Variants in SH3RF3 observed in about 807,000 individuals in gnomAD.
SH3RF3 encodes the protein SH3 domain containing ring finger 3.
A neutral mutation model predicts 66.3 loss-of-function variants in SH3RF3; 29 were observed. The observed-to-expected ratio is 0.44, with a 90% confidence interval of 0.33 to 0.60. The LOEUF is 0.60. SH3RF3 is among the 20% of genes least tolerant of loss of function. The pLI, the probability that SH3RF3 is intolerant of heterozygous loss-of-function variation, is 0.04. For synonymous variants in SH3RF3, 583 were observed against 532.0 expected (o/e 1.10, Z -1.32); for missense variants, 1,194 against 1,190.9 (o/e 1.00, Z -0.04).
At chr2:109,221,437 G>T (rs1679237909) in intron 1 of SH3RF3, among the ~76,000 whole-genome samples, 1 of 152,160 alleles carries the variant, frequency 6.6e-6, no homozygotes, top group Admixed American at 6.5e-5. Flanking sequence ...ACAAAAATTA[G>T]CCAAGTGTGG....
intron 2 of SH3RF3, among the ~76,000 whole-genome samples, chr2:109,358,763 G>A (rs143572351): frequency 5.3e-4 from 81 of 152,190 alleles, no homozygotes; most frequent in African/African-American, 1.8e-3. Flanking sequence ...AGTATCTTTT[G>A]CAGAGTACAA....
chr2:109,163,601 G>GTTT (rs1457448605), intron 1 of SH3RF3, among the ~76,000 whole-genome samples: 2 of 151,234 alleles, frequency 1.3e-5, no homozygotes, highest in South Asian at 2.1e-4. Flanking sequence ...GGGTTTCACC[G>GTTT]TTTTAGCCGG....
intron 1 of SH3RF3, among the ~76,000 whole-genome samples, chr2:109,249,038 T>C (rs2105247749): frequency 6.6e-6 from 1 of 152,144 alleles, no homozygotes; most frequent in East Asian, 1.9e-4. Flanking sequence ...CATGCCACCA[T>C]GCCCAGCTAA....
intron 1 of SH3RF3, among the ~76,000 whole-genome samples, chr2:109,183,706 C>T (rs1203477993): frequency 4.6e-5 from 7 of 152,236 alleles, no homozygotes; most frequent in Non-Finnish European, 1.0e-4. Flanking sequence ...ACTGATGAGT[C>T]TCTCAGCACT....
At chr2:109,252,026 C>A (rs972278334) in intron 1 of SH3RF3, among the ~76,000 whole-genome samples, 1 of 152,040 alleles carries the variant, frequency 6.6e-6, no homozygotes, top group African/African-American at 2.4e-5. Context: ...GAGGATGGAT[C>A]ACTTGAGCTA....
Position 109,307,711 on chromosome 2 carries a change from A to G in SH3RF3, c.574-39963A>G, listed in dbSNP as rs1574563896. Among the ~76,000 whole-genome samples the G allele has an allele frequency of 4.8e-5, 7 of 146,852 alleles. No homozygotes were observed. The East Asian group carries it at 1.4e-3, about 29-fold the overall frequency. ...CTCTTGCGATAGTTTACTGAGAATGATGATTTCCAATTTCATCCATGTCCC... is the reference window on the plus strand; with the variant it reads ...CTCTTGCGATAGTTTACTGAGAATGGTGATTTCCAATTTCATCCATGTCCC... On this transcript the variant is annotated intron_variant, in intron 1 of 9. Coordinates refer to ENST00000309415, the MANE Select transcript of SH3RF3 (RefSeq NM_001099289.3).
intron 8 of SH3RF3, among the ~76,000 whole-genome samples, chr2:109,450,819 G>A (rs901804445): frequency 6.6e-6 from 1 of 152,314 alleles, no homozygotes; most frequent in South Asian, 2.1e-4. Context: ...CTGCCTGAAC[G>A]GTTTAGGGAT....
intron 1 of SH3RF3, among the ~76,000 whole-genome samples, chr2:109,344,914 G>T (rs939047056): frequency 6.6e-6 from 1 of 152,174 alleles, no homozygotes; most frequent in African/African-American, 2.4e-5. Context: ...GATCAGAGGG[G>T]ACATCACAGG....
Position 109,436,895 on chromosome 2 carries a change from T to C in SH3RF3, c.1577T>C (p.Val526Ala). The change falls in exon 7 of 10, where the codon GTG becomes GCG. Residue 526 changes from valine to alanine, a missense_variant and splice_region_variant. Physicochemically the swap from Val to Ala is moderately conservative, Grantham distance 64. Transcript: ENST00000309415. The part of the protein sequence containing the change: ...PGNYVTPVSR[V>A]PAGGAGPPRN... ...TTCCTTCTGCTTTCTCTCCACAGGG[T>C]GCCTGCAGGAGGGGCAGGGCCGCCC... 1 of 1,612,974 alleles carries C rather than the reference T, an allele frequency of 6.2e-7. No individual in the cohort carries two copies. Among genetic ancestry groups the C allele is most frequent in the South Asian group, 1.1e-5 (1 of 91,062 alleles).
chr2:109,214,450 A>T (rs920863898), intron 1 of SH3RF3, among the ~76,000 whole-genome samples: 1 of 151,294 alleles, frequency 6.6e-6, no homozygotes, highest in Admixed American at 6.6e-5. Context: ...TAAAGTATTA[A>T]AAAAAAAGAG....
chr2:109,370,689 T>C (rs895064823), intron 2 of SH3RF3, among the ~76,000 whole-genome samples: 2 of 152,172 alleles, frequency 1.3e-5, no homozygotes, highest in African/African-American at 4.8e-5. Context: ...TTGGTACCTG[T>C]GACAGTGTCC....
chr2:109,201,287 A>G (rs948786489), intron 1 of SH3RF3, among the ~76,000 whole-genome samples: 2 of 152,236 alleles, frequency 1.3e-5, no homozygotes, highest in Admixed American at 1.3e-4. Context: ...AGCCTTTCAC[A>G]GACAGACCCC....
At chr2:109,396,419 A>C (rs773020160) in intron 3 of SH3RF3, among the ~76,000 whole-genome samples, 23 of 152,244 alleles carry the variant, frequency 1.5e-4, no homozygotes, top group Middle Eastern at 3.2e-3. Flanking sequence ...AAATGCTGAC[A>C]GCCATGTGCC....
chr2:109,166,626 A>G (rs1677633850), intron 1 of SH3RF3, among the ~76,000 whole-genome samples: 1 of 152,222 alleles, frequency 6.6e-6, no homozygotes, highest in South Asian at 2.1e-4. Flanking sequence ...CATTCCAGTG[A>G]GGGAGTGAAG....
intron 3 of SH3RF3, among the ~76,000 whole-genome samples, chr2:109,395,709 G>A (rs868433820): frequency 1.3e-5 from 2 of 152,182 alleles, no homozygotes; most frequent in Non-Finnish European, 2.9e-5. Context: ...GCTGGTGGCC[G>A]CCCAGTGCTC....
chr2:109,375,437 C>CAA (rs112519143), intron 3 of SH3RF3, among the ~76,000 whole-genome samples: 1 of 152,208 alleles, frequency 6.6e-6, no homozygotes, highest in African/African-American at 2.4e-5. Flanking sequence ...AGTGTCCACT[C>CAA]GGGCACAGAG....
intron 1 of SH3RF3, among the ~76,000 whole-genome samples, chr2:109,170,774 C>G (rs1677762269): frequency 6.6e-6 from 1 of 152,172 alleles, no homozygotes; most frequent in Non-Finnish European, 1.5e-5. Context: ...TGCGGATGAC[C>G]CATCTGTTTC....
At chr2:109,446,024 A>C (rs1378009979) in intron 7 of SH3RF3, among the ~76,000 whole-genome samples, 1 of 152,188 alleles carries the variant, frequency 6.6e-6, no homozygotes, top group Non-Finnish European at 1.5e-5. Flanking sequence ...TGCTTTCCTA[A>C]GCAGCCTTCA....
chr2:109,498,325 CT>C (rs1679305283), intron 9 of SH3RF3, among the ~76,000 whole-genome samples: 1 of 152,202 alleles, frequency 6.6e-6, no homozygotes, highest in African/African-American at 2.4e-5. Flanking sequence ...AGTAGGAACA[CT>C]GCACCCCCAA....
Sources: allele counts gnomAD v4.1 joint callset (sites outside exome capture counted in the v4.1 genomes callset), GRCh38; gene constraint gnomAD v4.1.1; transcripts MANE v1.5; gene names NCBI Gene and HGNC (gene_info 2026-07-23, HGNC 2026-07-21).